Variants in DNAJC12 observed in about 807,000 individuals in gnomAD.
DNAJC12 encodes DnaJ heat shock protein family (Hsp40) member C12.
A neutral mutation model predicts 28.5 loss-of-function variants in DNAJC12; 25 were observed. That is an observed-to-expected ratio of 0.88 (90% CI 0.64 to 1.22). DNAJC12 has a LOEUF of 1.22. Ranked by LOEUF, DNAJC12 falls within the 50% of genes most tolerant of loss-of-function variation. The pLI is 0.00. For missense variants in DNAJC12, 222 were observed against 231.7 expected, an observed-to-expected ratio of 0.96 and a Z score of 0.27; for synonymous variants, 77 against 80.6, an observed-to-expected ratio of 0.95 and a Z score of 0.24.
intron 2 of DNAJC12, among the ~76,000 whole-genome samples, chr10:67,812,629 G>A (rs990537038): frequency 1.3e-5 from 2 of 150,630 alleles, no homozygotes; most frequent in Non-Finnish European, 2.9e-5. Context: ...GGATCACGAG[G>A]TCAGGAATTC....
chr10:67,824,232 TCTTA>T (rs1247471146), intron 1 of DNAJC12, among the ~76,000 whole-genome samples: 14 of 42,840 alleles, frequency 3.3e-4, no homozygotes, highest in Non-Finnish European at 7.8e-4. Flanking sequence ...CAAGAGTCTG[TCTTA>T]AAAAAAAAAA....
Position 67,827,137 on chromosome 10 carries a change from T to C in DNAJC12, c.79-3745A>G, listed in dbSNP as rs560485813. Among the ~76,000 whole-genome samples the C allele has an allele frequency of 5.3e-5, 8 of 149,540 alleles. No individual in the cohort carries two copies. The East Asian group carries it at 1.6e-3, about 30-fold the overall frequency. ...TGCGGTGGCTCACGCCTGTAATCCC[T>C]GCACTTTGGGAGGCTGAGGTGGGTG... On this transcript the variant is annotated intron_variant, in intron 1 of 4. Transcript: ENST00000225171.
intron 1 of DNAJC12, among the ~76,000 whole-genome samples, chr10:67,824,283 G>T (rs965058865): frequency 6.6e-6 from 1 of 151,038 alleles, no homozygotes; most frequent in Admixed American, 6.6e-5. Context: ...GATCAGGTAG[G>T]TTTCTCCTAG....
chr10:67,799,211 A>G (rs1439298087), intron 4 of DNAJC12, among the ~76,000 whole-genome samples: 1 of 152,194 alleles, frequency 6.6e-6, no homozygotes, highest in African/African-American at 2.4e-5. Flanking sequence ...ACTTCCATTG[A>G]TATTTTAATA....
At chr10:67,816,348 T>G (rs1345239928) in intron 2 of DNAJC12, among the ~76,000 whole-genome samples, 1 of 152,030 alleles carries the variant, frequency 6.6e-6, no homozygotes, top group East Asian at 1.9e-4. Flanking sequence ...CCAACATTAT[T>G]TATTAATTAT....
intron 4 of DNAJC12, among the ~76,000 whole-genome samples, chr10:67,799,725 A>G (rs1297629305): frequency 6.6e-6 from 1 of 152,090 alleles, no homozygotes; most frequent in Non-Finnish European, 1.5e-5. Flanking sequence ...TCTACTAAAA[A>G]TACAAAAATT....
At chr10:67,811,849 G>T (rs1159779780) in intron 2 of DNAJC12, among the ~76,000 whole-genome samples, 186 bp from the exon 3 acceptor site, 1 of 152,170 alleles carries the variant, frequency 6.6e-6, no homozygotes, top group African/African-American at 2.4e-5. Context: ...GATGTAAAGT[G>T]CTCGGCACAG....
chr10:67,824,951 T>A (rs912760683), intron 1 of DNAJC12, among the ~76,000 whole-genome samples: 4 of 151,900 alleles, frequency 2.6e-5, no homozygotes, highest in Non-Finnish European at 5.9e-5. Flanking sequence ...GCCAGGCTGG[T>A]CTCAAACTCC....
chr10:67,819,719 CAAGGAAGGAAGG>C (rs1221166816), intron 2 of DNAJC12, among the ~76,000 whole-genome samples: 5 of 32,562 alleles, frequency 1.5e-4, no homozygotes, highest in African/African-American at 5.8e-4. Context: ...AGGAAGGAAG[CAAGGAAGGAAGG>C]AAGGAAGGAA....
intron 1 of DNAJC12, among the ~76,000 whole-genome samples, chr10:67,831,180 T>G (rs914653849): frequency 4.6e-5 from 7 of 152,164 alleles, no homozygotes; most frequent in Non-Finnish European, 1.0e-4. Flanking sequence ...AGGGTGAGAA[T>G]CTGTCTCAAA....
At chr10:67,807,896 A>G (rs1237230661) in intron 3 of DNAJC12, among the ~76,000 whole-genome samples, 1 of 152,258 alleles carries the variant, frequency 6.6e-6, no homozygotes, top group Non-Finnish European at 1.5e-5. Context: ...AGAATAAAAT[A>G]TGTTATCAGA....
At chr10:67,805,823 T>C in intron 3 of DNAJC12, 36 bp from the exon 4 acceptor site, 1 of 1,472,438 alleles carries the variant, frequency 6.8e-7, no homozygotes, top group African/African-American at 1.4e-5. Flanking sequence ...AAAAATTAAA[T>C]TGATATTATA....
chr10:67,823,339 G>T lies in DNAJC12; in HGVS notation c.132C>A (p.Asp44Glu), dbSNP rs745702307. The T allele has an allele frequency of 2.5e-6, 4 of 1,614,074 alleles. No homozygotes were observed. Among genetic ancestry groups the T allele is most frequent in the Non-Finnish European group, 3.4e-6 (4 of 1,180,006 alleles). ...CAGCTTTGGGGTTTTCAGGATGCTT[G>T]TCTGGGTGACATTCCAGAGCTCTGA... ...FKVRALECHP[D>E]KHPENPKAVE... Residue 44 changes from aspartate (D) to glutamate (E), a missense_variant, in exon 2 of 5, where the codon GAC becomes GAA. Transcript: ENST00000225171.
intron 4 of DNAJC12, among the ~76,000 whole-genome samples, chr10:67,804,261 T>A (rs920171112): frequency 6.6e-6 from 1 of 152,216 alleles, no homozygotes; most frequent in Non-Finnish European, 1.5e-5. Context: ...CAGGTAACAT[T>A]TACCTAGGGC....
intron 1 of DNAJC12, among the ~76,000 whole-genome samples, chr10:67,826,932 ATGAT>A (rs1367422355): frequency 2.9e-5 from 4 of 140,248 alleles, no homozygotes; most frequent in Non-Finnish European, 3.0e-5. Context: ...TATATATATC[ATGAT>A]ATATATAATA....
At position 67,805,602 on chromosome 10, in the gene DNAJC12, C is replaced by A. The variant is rs201470298; in HGVS notation, c.483G>T (p.Pro161=). 3.1e-6 allele frequency: 5 copies of A among 1,608,186 alleles called. No individual in the cohort carries two copies. In the Admixed American group the frequency reaches 6.9e-5, roughly 22 times the overall value. The change falls in exon 4 of 5, where the codon CCG becomes CCT. Residue 161 remains proline, a synonymous_variant. Transcript: ENST00000225171. ...ACTTACCTGAAGAATCTGAATTTTG[C>A]GGGGAGACTGACTTCTCTAGGGGCT... ...EPKPLEKSVS[P]QNSDSSGFAD...
chr10:67,808,224 A>G (rs1408532765), intron 3 of DNAJC12, among the ~76,000 whole-genome samples: 1 of 152,254 alleles, frequency 6.6e-6, no homozygotes, highest in African/African-American at 2.4e-5. Context: ...AATGACAGCA[A>G]TTGATACAGA....
At chr10:67,810,559 A>G (rs77360441) in intron 3 of DNAJC12, among the ~76,000 whole-genome samples, 3,440 of 152,268 alleles carry the variant, frequency 0.023, 138 homozygotes, top group African/African-American at 0.078. Flanking sequence ...GGATTATACT[A>G]TTTAAACAAA....
intron 1 of DNAJC12, chr10:67,834,204 C>G (rs1842121079): frequency 2.9e-6 from 1 of 349,490 alleles, no homozygotes; most frequent in South Asian, 2.6e-5. Flanking sequence ...GATCATTATA[C>G]TTTCATTAGG....
Sources: gnomAD v4.1 joint callset for allele counts (sites outside exome capture counted in the v4.1 genomes callset) on GRCh38, gnomAD v4.1.1 for gene constraint, MANE v1.5 for transcripts, NCBI Gene and HGNC (gene_info 2026-07-23, HGNC 2026-07-21) for gene names.